The following VPS50 variants were observed in gnomAD, a reference collection of about 807,000 sequenced individuals.
VPS50 encodes the protein VPS50 subunit of EARP/GARPII complex.
VPS50 carries 70 observed loss-of-function variants against 139.7 expected under a neutral mutation model. The observed-to-expected ratio is 0.50, with a 90% confidence interval of 0.41 to 0.61. The LOEUF (loss-of-function observed/expected upper bound fraction) is 0.61. VPS50 is among the 20% of genes least tolerant of loss of function. The pLI is 0.00. For synonymous variants in VPS50, 365 were observed against 376.7 expected, an observed-to-expected ratio of 0.97 and a Z score of 0.36; for missense variants, 921 against 1,133.7, an observed-to-expected ratio of 0.81 and a Z score of 2.69.
intron 12 of VPS50, among the ~76,000 whole-genome samples, chr7:93,278,001 G>C (rs549213210): frequency 1.3e-5 from 2 of 151,976 alleles, no homozygotes; most frequent in Non-Finnish European, 2.9e-5. Flanking sequence ...AAGCAGAAAA[G>C]AACTCTTAAA....
chr7:93,265,306 T>A (rs1403518440), intron 9 of VPS50, among the ~76,000 whole-genome samples: 3 of 152,158 alleles, frequency 2.0e-5, no homozygotes. Flanking sequence ...AGTAAATATT[T>A]TAGGTTTTAC....
intron 10 of VPS50, 53 bp downstream of exon 10, chr7:93,271,315 G>T: frequency 1.3e-6 from 2 of 1,484,494 alleles, no homozygotes; most frequent in South Asian, 2.9e-5. Flanking sequence ...AGAAGTTTTT[G>T]AATAGCCTAG....
chr7:93,331,163 ATATTG>A (rs1797929654), intron 21 of VPS50, among the ~76,000 whole-genome samples: 1 of 152,132 alleles, frequency 6.6e-6, no homozygotes, highest in Non-Finnish European at 1.5e-5. Flanking sequence ...AGAAAACTCA[ATATTG>A]TAAAGGTGGC....
intron 1 of VPS50, among the ~76,000 whole-genome samples, chr7:93,238,654 C>G (rs1253562334): frequency 6.6e-6 from 1 of 152,110 alleles, no homozygotes; most frequent in Non-Finnish European, 1.5e-5. Flanking sequence ...AAAACCTATT[C>G]ATTAGGTTTA....
At position 93,239,931 on chromosome 7, in the gene VPS50, A is replaced by G; in HGVS notation, c.99A>G (p.Gly33=). 2 of 1,588,760 alleles carry G rather than the reference A, an allele frequency of 1.3e-6. No homozygotes were observed. Among genetic ancestry groups the G allele is most frequent in the Non-Finnish European group, 1.7e-6 (2 of 1,157,480 alleles). The change falls in exon 2 of 28, where the codon GGA becomes GGG. Residue 33 remains glycine, a synonymous_variant. Coordinates refer to ENST00000305866, the MANE Select transcript of VPS50 (RefSeq NM_017667.4). ...CCATAGAGAGTCTCCGGGTCCCTGG[A>G]AAGGTATTGAGCTACACGTGTGAGC... ...LGAIESLRVP[G]KEEFRELREQ...
At chr7:93,234,632 AT>A (rs1448999526) in intron 1 of VPS50, among the ~76,000 whole-genome samples, 1 of 152,210 alleles carries the variant, frequency 6.6e-6, no homozygotes, top group African/African-American at 2.4e-5. Flanking sequence ...ATTGGGTTAA[AT>A]TTAATAGGAT....
chr7:93,286,905 A>C (rs1412875886), intron 12 of VPS50, among the ~76,000 whole-genome samples: 1 of 152,000 alleles, frequency 6.6e-6, no homozygotes, highest in Non-Finnish European at 1.5e-5. Flanking sequence ...AAAGGGGCTC[A>C]ATTTTAAAAT....
intron 23 of VPS50, among the ~76,000 whole-genome samples, chr7:93,348,165 G>A (rs182538011): frequency 6.6e-6 from 1 of 152,142 alleles, no homozygotes; most frequent in African/African-American, 2.4e-5. Context: ...TGCAACTGCA[G>A]GCAGTAGTCC....
At chr7:93,319,290 C>T (rs1037078560) in intron 20 of VPS50, among the ~76,000 whole-genome samples, 2 of 152,138 alleles carry the variant, frequency 1.3e-5, no homozygotes, top group African/African-American at 2.4e-5. Context: ...TCTGTGTCTC[C>T]CACTGATGAA....
chr7:93,337,486 C>A (rs1798098798), intron 22 of VPS50, among the ~76,000 whole-genome samples: 1 of 152,092 alleles, frequency 6.6e-6, no homozygotes, highest in African/African-American at 2.4e-5. Flanking sequence ...CTAGTTAGTA[C>A]CTAAATTCAA....
chr7:93,309,929 T>G (rs915071988), intron 19 of VPS50, among the ~76,000 whole-genome samples: 2 of 151,988 alleles, frequency 1.3e-5, no homozygotes, highest in African/African-American at 4.8e-5. Flanking sequence ...ACTGTTTAAC[T>G]TGAAATCTCG....
At chr7:93,312,833 G>T (rs1184579087) in intron 20 of VPS50, among the ~76,000 whole-genome samples, 1 of 151,758 alleles carries the variant, frequency 6.6e-6, no homozygotes, top group Non-Finnish European at 1.5e-5. Flanking sequence ...CCTTTATCTT[G>T]TCCTCACTGA....
chr7:93,328,718 C>T (rs1337630833), intron 21 of VPS50, among the ~76,000 whole-genome samples: 4 of 152,012 alleles, frequency 2.6e-5, no homozygotes, highest in Non-Finnish European at 5.9e-5. Context: ...GGGGAACAAG[C>T]ACAAGAAAAC....
At chr7:93,243,393 C>G (rs573434705) in intron 2 of VPS50, among the ~76,000 whole-genome samples, 183 of 151,956 alleles carry the variant, frequency 1.2e-3, no homozygotes, top group Non-Finnish European at 2.2e-3. Flanking sequence ...TTTAGAGATT[C>G]CCTGGTAATT....
At chr7:93,305,549 A>T (rs188259725) in intron 17 of VPS50, among the ~76,000 whole-genome samples, 6 of 151,904 alleles carry the variant, frequency 3.9e-5, no homozygotes, top group African/African-American at 1.4e-4. Context: ...AAGCTATTTT[A>T]AAAAATGATC....
chr7:93,288,669 A>C (rs1393214685), intron 12 of VPS50, among the ~76,000 whole-genome samples: 2 of 152,280 alleles, frequency 1.3e-5, no homozygotes, highest in South Asian at 2.1e-4. Context: ...CCAGATACTA[A>C]AGTGTTGAGG....
chr7:93,294,574 A>G lies in VPS50; in HGVS notation c.1105A>G (p.Thr369Ala). The G allele has an allele frequency of 6.3e-7, 1 of 1,597,766 alleles. No individual in the cohort carries two copies. Among genetic ancestry groups the G allele is most frequent in the Non-Finnish European group, 8.5e-7 (1 of 1,173,252 alleles). The change falls in exon 14 of 28, where the codon ACT becomes GCT. Residue 369 changes from threonine to alanine, a missense_variant. By Grantham distance (58) the Thr-to-Ala change is moderately conservative (BLOSUM62 0). Around this residue, in one of 3 missense-constraint regions of VPS50, gnomAD observed 744 missense variants for 930.6 expected, o/e 0.80. Transcript: ENST00000305866. The stretch of plus-strand genomic sequence containing the variant: ...GAGTAATATGATAGGTACTGAAGAA[A>G]CTAATTTTGATCGTGGCTACATAAA... Reference protein sequence around the residue: ...EGSNMIGTEETNFDRGYIKKK... With the variant: ...EGSNMIGTEEANFDRGYIKKK...
At chr7:93,244,266 GT>G (rs1193684448) in intron 2 of VPS50, among the ~76,000 whole-genome samples, 2 of 151,854 alleles carry the variant, frequency 1.3e-5, no homozygotes, top group Admixed American at 1.3e-4. Flanking sequence ...TGAGCAGAAT[GT>G]TTTCTAGAGT....
At chr7:93,319,809 T>C (rs997334720) in intron 20 of VPS50, among the ~76,000 whole-genome samples, 1 of 152,136 alleles carries the variant, frequency 6.6e-6, no homozygotes, top group Non-Finnish European at 1.5e-5. Context: ...ATTACTCAAA[T>C]TGGTCCTTTA....
Sources: gnomAD v4.1 joint callset for allele counts (sites outside exome capture counted in the v4.1 genomes callset) on GRCh38, gnomAD v4.1.1 for gene constraint, gnomAD v4.1.1 regional missense constraint, MANE v1.5 for transcripts, NCBI Gene and HGNC (gene_info 2026-07-23, HGNC 2026-07-21) for gene names.